The following CFAP276 variants were observed in gnomAD, a reference collection of about 807,000 sequenced individuals.
CFAP276 encodes the protein cilia- and flagella-associated protein 276.
the CFAP276 span, chr1:109,113,563 G>A: frequency 6.5e-7 from 1 of 1,539,204 alleles, no homozygotes. Context: ...CTAGCCGGTT[G>A]TAAAAGCACG....
At chr1:109,109,202 A>T in the CFAP276 span, among the ~76,000 whole-genome samples, 1 of 152,212 alleles carries the variant, frequency 6.6e-6, no homozygotes, top group African/African-American at 2.4e-5. Flanking sequence ...TAATCCCAGC[A>T]CTTTGGGAGG....
chr1:109,107,767 T>C, the CFAP276 span, among the ~76,000 whole-genome samples: 2 of 151,098 alleles, frequency 1.3e-5, no homozygotes, highest in Admixed American at 1.3e-4. Context: ...ATGCCTATAG[T>C]TTCAGGAGGC....
At chr1:109,107,836 CCACAG>C in the CFAP276 span, 1 of 1,115,186 alleles carries the variant, frequency 9.0e-7, no homozygotes, top group South Asian at 1.4e-5. Flanking sequence ...CATGATCAGG[CCACAG>C]CATTCCACCC....
At chr1:109,110,959 C>G in the CFAP276 span, among the ~76,000 whole-genome samples, 1 of 152,180 alleles carries the variant, frequency 6.6e-6, no homozygotes, top group African/African-American at 2.4e-5. Context: ...CAGTCAGTCT[C>G]CAAGTCCTGT....
chr1:109,106,376 T>A, the CFAP276 span, among the ~76,000 whole-genome samples: 1 of 152,198 alleles, frequency 6.6e-6, no homozygotes, highest in Non-Finnish European at 1.5e-5. Context: ...TGTCCCCTGG[T>A]ATTAATCTGG....
the CFAP276 span, chr1:109,112,587 A>C: frequency 3.9e-6 from 6 of 1,549,794 alleles, no homozygotes; most frequent in Non-Finnish European, 5.2e-6. Flanking sequence ...TCTGCGCAAG[A>C]AACCACAGTA....
the CFAP276 span, chr1:109,113,654 A>G: frequency 6.2e-7 from 1 of 1,613,998 alleles, no homozygotes; most frequent in Non-Finnish European, 8.5e-7. Flanking sequence ...CCAGGCGACG[A>G]CGTCTGGAGG....
the CFAP276 span, chr1:109,112,727 G>T: frequency 3.9e-6 from 6 of 1,545,028 alleles, no homozygotes; most frequent in East Asian, 9.8e-5. Flanking sequence ...CCGCTCAGCC[G>T]CAGCACAGCC....
chr1:109,107,225 C>G, the CFAP276 span: 29 of 823,346 alleles, frequency 3.5e-5, no homozygotes, highest in African/African-American at 4.6e-4. Context: ...AGTGAAGGCT[C>G]TCTTGGGCCT....
At chr1:109,106,960 G>T in the CFAP276 span, 1 of 1,418,800 alleles carries the variant, frequency 7.0e-7, no homozygotes. Context: ...TTATATGACT[G>T]GATGGCAGCA....
chr1:109,106,431 T>A, the CFAP276 span: 1 of 1,411,400 alleles, frequency 7.1e-7, no homozygotes, highest in Non-Finnish European at 9.6e-7. Flanking sequence ...ACAGATATCC[T>A]TCATCTTCCC....
the CFAP276 span, among the ~76,000 whole-genome samples, chr1:109,110,663 T>C: frequency 6.6e-6 from 1 of 152,254 alleles, no homozygotes; most frequent in South Asian, 2.1e-4. Context: ...CTGGATGAGC[T>C]GATTCCCTTC....
At chr1:109,110,310 A>T in the CFAP276 span, among the ~76,000 whole-genome samples, 5 of 152,078 alleles carry the variant, frequency 3.3e-5, no homozygotes, top group African/African-American at 1.2e-4. Context: ...TACTATCTCT[A>T]CTTCCTCACT....
chr1:109,108,899 GA>G, the CFAP276 span, among the ~76,000 whole-genome samples: 2 of 152,152 alleles, frequency 1.3e-5, no homozygotes, highest in Non-Finnish European at 2.9e-5. Flanking sequence ...AAGCAGGTGA[GA>G]AAAAGATTCC....
the CFAP276 span, chr1:109,106,993 C>T: frequency 6.3e-7 from 1 of 1,594,418 alleles, no homozygotes; most frequent in African/African-American, 1.3e-5. Context: ...AGAGGCTCTG[C>T]CTCTACCACT....
At chr1:109,113,735 C>G in the CFAP276 span, 3 of 1,596,538 alleles carry the variant, frequency 1.9e-6, no homozygotes, top group Non-Finnish European at 2.6e-6. Context: ...CATAAAATAA[C>G]CCCTGGCCCG....
At chr1:109,110,222 A>G in the CFAP276 span, among the ~76,000 whole-genome samples, 1 of 151,884 alleles carries the variant, frequency 6.6e-6, no homozygotes. Flanking sequence ...CCCCAGCCTC[A>G]CTTCATTTCT....
the CFAP276 span, among the ~76,000 whole-genome samples, chr1:109,108,798 C>T: frequency 2.8e-3 from 426 of 152,216 alleles, 1 homozygote; most frequent in Middle Eastern, 6.8e-3. Context: ...AAGGGAAGAA[C>T]GGGTTTGTGA....
the CFAP276 span, among the ~76,000 whole-genome samples, chr1:109,113,417 A>G: frequency 6.3e-5 from 2 of 31,836 alleles, no homozygotes; most frequent in Non-Finnish European, 1.9e-4. Context: ...AGAGAGAGAA[A>G]GAGAGAGAGA....
Sources: allele counts gnomAD v4.1 joint callset (sites outside exome capture counted in the v4.1 genomes callset), GRCh38; gene constraint gnomAD v4.1.1; transcripts MANE v1.5; gene names NCBI Gene and HGNC (gene_info 2026-07-23, HGNC 2026-07-21).